Variants in ATG10 observed in about 807,000 individuals in gnomAD.
ATG10 encodes ubiquitin-like-conjugating enzyme ATG10.
A neutral mutation model predicts 32.1 loss-of-function variants in ATG10; 30 were observed. That is an observed-to-expected ratio of 0.94 (90% CI 0.70 to 1.27). The LOEUF (loss-of-function observed/expected upper bound fraction) is 1.27, where lower values mean the gene tolerates loss of function less well. Ranked by LOEUF, ATG10 falls within the 50% of genes most tolerant of loss-of-function variation. The probability of loss-of-function intolerance (pLI) is 0.00; values close to 1 mark genes in which losing one functional copy is unlikely to be tolerated. For missense variants in ATG10, 233 were observed against 262.3 expected (o/e 0.89, Z 0.77); for synonymous variants, 87 against 91.5 (o/e 0.95, Z 0.28).
rs577840807 is a variant in ATG10, at chr5:82,240,919, GA to G, written c.454-11633del. Among the ~76,000 whole-genome samples the G allele has an allele frequency of 2.2e-3, 331 of 148,712 alleles. 2 individuals are homozygous for G. The highest frequency in any genetic ancestry group is 3.8e-3 in the Non-Finnish European group (254 of 66,856). ...TTAAACACAAATAACAATCTGGAAA[GA>G]AAAAAAAAATTGGAGTATTTCAGCA... On this transcript the variant is annotated intron_variant, in intron 5 of 7. Transcript: ENST00000282185.
chr5:82,206,278 A>G (rs1368615442), intron 5 of ATG10, among the ~76,000 whole-genome samples: 1 of 152,206 alleles, frequency 6.6e-6, no homozygotes, highest in East Asian at 1.9e-4. Flanking sequence ...AGAGGCAAAC[A>G]TAGTAAGCAA....
intron 3 of ATG10, among the ~76,000 whole-genome samples, chr5:82,074,678 C>T (rs1486023247): frequency 2.0e-5 from 3 of 152,142 alleles, no homozygotes; most frequent in Admixed American, 2.0e-4. Context: ...TCCACGGTAC[C>T]TAATCTCTGG....
intron 3 of ATG10, among the ~76,000 whole-genome samples, chr5:82,148,860 T>C (rs1767467444): frequency 1.3e-5 from 2 of 152,182 alleles, no homozygotes; most frequent in African/African-American, 4.8e-5. Flanking sequence ...TTTTATCTTT[T>C]TATATTTTTT....
intron 3 of ATG10, among the ~76,000 whole-genome samples, chr5:82,157,663 G>T (rs1313809850): frequency 6.6e-6 from 1 of 152,140 alleles, no homozygotes; most frequent in East Asian, 1.9e-4. Flanking sequence ...TTTTTCAGTG[G>T]TTTATCAGAA....
intron 3 of ATG10, among the ~76,000 whole-genome samples, chr5:82,137,857 G>A (rs921192472): frequency 1.3e-5 from 2 of 152,204 alleles, no homozygotes; most frequent in Non-Finnish European, 2.9e-5. Flanking sequence ...AGAGAGATGG[G>A]AGTTTTGTCT....
intron 5 of ATG10, among the ~76,000 whole-genome samples, chr5:82,234,481 A>C (rs978035401): frequency 3.3e-5 from 5 of 152,140 alleles, no homozygotes; most frequent in African/African-American, 1.2e-4. Context: ...CCATGTGTGC[A>C]TCTCACACCC....
chr5:82,073,524 CTT>C (rs1372943893), intron 3 of ATG10: 1 of 152,140 alleles, frequency 6.6e-6, no homozygotes, highest in Non-Finnish European at 1.5e-5. Context: ...TTCTGTGTGA[CTT>C]TGAAAATATT....
intron 4 of ATG10, among the ~76,000 whole-genome samples, chr5:82,173,448 C>G (rs978816636): frequency 5.9e-5 from 9 of 152,130 alleles, no homozygotes; most frequent in Non-Finnish European, 1.2e-4. Flanking sequence ...CACCTAATGT[C>G]TCTTCTTCTT....
At chr5:82,020,681 C>T (rs1762409750) in intron 2 of ATG10, among the ~76,000 whole-genome samples, 2 of 152,068 alleles carry the variant, frequency 1.3e-5, no homozygotes, top group Admixed American at 6.6e-5. Flanking sequence ...CATGTTCTGG[C>T]AGGCCAGCCT....
At chr5:82,203,791 C>T (rs1412932889) in intron 5 of ATG10, among the ~76,000 whole-genome samples, 3 of 152,170 alleles carry the variant, frequency 2.0e-5, no homozygotes, top group Admixed American at 6.5e-5. Flanking sequence ...TGATGTGACT[C>T]TTGTGACTGC....
chr5:82,190,773 C>CAAAAAAA (rs35513819), intron 5 of ATG10, among the ~76,000 whole-genome samples: 3 of 53,680 alleles, frequency 5.6e-5, no homozygotes, highest in Non-Finnish European at 9.8e-5. Flanking sequence ...GACTCCATCT[C>CAAAAAAA]AAAAAAAAAA....
intron 2 of ATG10, among the ~76,000 whole-genome samples, chr5:82,004,750 G>A (rs2149687185): frequency 6.6e-6 from 1 of 152,300 alleles, no homozygotes; most frequent in South Asian, 2.1e-4. Context: ...CACTCATCAT[G>A]CACTTGGATG....
intron 3 of ATG10, chr5:82,078,593 A>T (rs932850471): frequency 6.6e-6 from 1 of 152,268 alleles, no homozygotes; most frequent in Non-Finnish European, 1.5e-5. Context: ...CCACTAGGTT[A>T]CATAAGGAGG....
At chr5:82,003,233 G>A (rs1206790544) in intron 2 of ATG10, among the ~76,000 whole-genome samples, 9 of 152,166 alleles carry the variant, frequency 5.9e-5, no homozygotes, top group Non-Finnish European at 1.2e-4. Flanking sequence ...TTAAAGTACC[G>A]TAATATTAAT....
At chr5:81,982,540 C>T (rs1470889168) in intron 1 of ATG10, among the ~76,000 whole-genome samples, 1 of 151,026 alleles carries the variant, frequency 6.6e-6, no homozygotes, top group Non-Finnish European at 1.5e-5. Flanking sequence ...ATGAGAGATT[C>T]ATTGTTTTTT....
At chr5:82,251,402 T>C (rs184204259) in intron 5 of ATG10, among the ~76,000 whole-genome samples, 1 of 152,250 alleles carries the variant, frequency 6.6e-6, no homozygotes, top group Non-Finnish European at 1.5e-5. Flanking sequence ...CTTGTCCCAC[T>C]CCATGTTTAA....
intron 5 of ATG10, among the ~76,000 whole-genome samples, chr5:82,217,859 T>C (rs985927767): frequency 6.6e-6 from 1 of 151,214 alleles, no homozygotes; most frequent in Non-Finnish European, 1.5e-5. Context: ...CACCTGTGGT[T>C]CTAGCTACTC....
chr5:82,252,702 TAA>T (rs1426030353), intron 6 of ATG10, 43 bp downstream of exon 6: 2 of 1,154,104 alleles, frequency 1.7e-6, no homozygotes, highest in Non-Finnish European at 2.5e-6. Context: ...ACTCTGATTT[TAA>T]AAGTGTAAAT....
chr5:82,102,553 A>G (rs1432766067), intron 3 of ATG10, among the ~76,000 whole-genome samples: 1 of 152,196 alleles, frequency 6.6e-6, no homozygotes, highest in Non-Finnish European at 1.5e-5. Context: ...GCCATAGATA[A>G]AAGAAACATC....
Sources: gnomAD v4.1 joint callset for allele counts (sites outside exome capture counted in the v4.1 genomes callset) on GRCh38, gnomAD v4.1.1 for gene constraint, MANE v1.5 for transcripts, NCBI Gene and HGNC (gene_info 2026-07-23, HGNC 2026-07-21) for gene names.